The following RIMS3 variants were observed in gnomAD, a reference collection of about 807,000 sequenced individuals.
RIMS3 encodes regulating synaptic membrane exocytosis 3.
RIMS3 carries 15 observed loss-of-function variants against 29.2 expected under a neutral mutation model. The observed-to-expected ratio is 0.51, with a 90% CI of 0.34 to 0.79. The LOEUF is 0.79. RIMS3 is among the 30% of genes least tolerant of loss of function. The pLI is 0.01. For synonymous variants in RIMS3, 161 were observed against 170.1 expected (o/e 0.95, Z 0.41); for missense variants, 342 against 421.4 (o/e 0.81, Z 1.65).
At chr1:40,656,384 TATG>T (rs1642273112) in intron 1 of RIMS3, among the ~76,000 whole-genome samples, 1 of 152,258 alleles carries the variant, frequency 6.6e-6, no homozygotes, top group Non-Finnish European at 1.5e-5. Context: ...TAAAAACAGT[TATG>T]ATATTATGTT....
chr1:40,663,663 C>T (rs140734783), intron 1 of RIMS3, among the ~76,000 whole-genome samples: 3 of 152,260 alleles, frequency 2.0e-5, no homozygotes, highest in African/African-American at 7.2e-5. Flanking sequence ...CTGGGTTCTG[C>T]GCAGTAAAAT....
At chr1:40,670,530 A>G (rs1642478156), upstream of RIMS3, among the ~76,000 whole-genome samples, 1 of 146,026 alleles carries the variant, frequency 6.8e-6, no homozygotes, top group Non-Finnish European at 1.5e-5. Context: ...AGTTCTTAGA[A>G]CAGACCTTAG....
the RIMS3 span, among the ~76,000 whole-genome samples, chr1:40,688,826 CT>C: frequency 1.3e-5 from 2 of 152,138 alleles, no homozygotes; most frequent in African/African-American, 2.4e-5. Flanking sequence ...TGAGCAAGCC[CT>C]TTTGTTCACA....
intron 2 of RIMS3, among the ~76,000 whole-genome samples, chr1:40,646,242 T>C (rs1646594274): frequency 6.6e-6 from 1 of 152,142 alleles, no homozygotes; most frequent in Non-Finnish European, 1.5e-5. Context: ...GCAGCAGGTC[T>C]AGCTCAGGAA....
chr1:40,674,407 C>T, the RIMS3 span, among the ~76,000 whole-genome samples: 9 of 152,176 alleles, frequency 5.9e-5, 1 homozygote, highest in South Asian at 2.1e-4. Flanking sequence ...CTGGCCCCTC[C>T]AGCCTCTAGA....
the RIMS3 span, among the ~76,000 whole-genome samples, chr1:40,681,711 A>G: frequency 2.6e-5 from 4 of 152,232 alleles, no homozygotes; most frequent in African/African-American, 9.6e-5. Context: ...AATAATTATC[A>G]TAGAGATCAC....
chr1:40,634,941 CA>C (rs111853416), intron 4 of RIMS3, among the ~76,000 whole-genome samples: 80 of 93,076 alleles, frequency 8.6e-4, no homozygotes, highest in East Asian at 1.0e-3. Flanking sequence ...AACTCCATCA[CA>C]AAAAAAAAAA....
intron 5 of RIMS3, among the ~76,000 whole-genome samples, chr1:40,629,862 G>A (rs1296851237): frequency 6.6e-6 from 1 of 152,022 alleles, no homozygotes; most frequent in African/African-American, 2.4e-5. Context: ...AGATCATGAG[G>A]TCAGGAGATC....
the RIMS3 span, among the ~76,000 whole-genome samples, chr1:40,683,050 TTCTC>T: frequency 6.6e-6 from 1 of 152,082 alleles, no homozygotes; most frequent in African/African-American, 2.4e-5. Flanking sequence ...TTTTGTCTCT[TTCTC>T]TCTTTGTGGT....
At chr1:40,688,873 G>A in the RIMS3 span, among the ~76,000 whole-genome samples, 2 of 152,188 alleles carry the variant, frequency 1.3e-5, no homozygotes, top group African/African-American at 2.4e-5. Context: ...AATGGCTGAC[G>A]AGATTGATTA....
At chr1:40,671,954 T>C in the RIMS3 span, among the ~76,000 whole-genome samples, 2 of 151,704 alleles carry the variant, frequency 1.3e-5, no homozygotes, top group East Asian at 3.9e-4. Flanking sequence ...GACAGGGTTT[T>C]ACCATGTTGC....
chr1:40,659,782 G>A (rs1264717966), intron 1 of RIMS3, among the ~76,000 whole-genome samples: 4 of 152,188 alleles, frequency 2.6e-5, no homozygotes, highest in African/African-American at 9.7e-5. Context: ...CCAAGAGGGG[G>A]CGTGCATTCC....
intron 3 of RIMS3, among the ~76,000 whole-genome samples, chr1:40,638,911 C>T (rs1223634760): frequency 6.6e-6 from 1 of 152,190 alleles, no homozygotes; most frequent in African/African-American, 2.4e-5. Context: ...CCAGGACTAG[C>T]CCTCTAAAGT....
the RIMS3 span, among the ~76,000 whole-genome samples, chr1:40,672,194 A>ATTT: frequency 2.7e-3 from 290 of 106,928 alleles, 3 homozygotes; most frequent in African/African-American, 4.7e-3. Context: ...TAGCTAGATG[A>ATTT]TTTTTTTTTT....
In RIMS3 at chr1:40,636,632, G is replaced by A. The variant is rs74068539; in HGVS notation, c.218-575C>T. 2.3e-3 allele frequency among the ~76,000 whole-genome samples: 346 copies of A among 152,312 alleles called. 3 individuals are homozygous for A. Among genetic ancestry groups the A allele is most frequent in the African/African-American group, 7.8e-3 (325 of 41,552 alleles). On this transcript the variant is annotated intron_variant, in intron 3 of 7. Coordinates refer to ENST00000372684, the MANE Select transcript of RIMS3 (RefSeq NM_014747.3). The surrounding 1 kb of genome is among the most constrained non-coding windows in gnomAD (Gnocchi z 4.2). Reference sequence around the variant, plus strand: ...TCTAGGTGGGGCTGAACATGGAGAGGACGTGTGTGGAGAGCTGGAGAGGCC... The same window carrying A: ...TCTAGGTGGGGCTGAACATGGAGAGAACGTGTGTGGAGAGCTGGAGAGGCC...
chr1:40,634,761 G>A (rs567599997), intron 4 of RIMS3, among the ~76,000 whole-genome samples: 2 of 152,016 alleles, frequency 1.3e-5, no homozygotes, highest in Non-Finnish European at 2.9e-5. Flanking sequence ...GACCAACATG[G>A]AGAAACCCCA....
chr1:40,667,409 G>A (rs1642440080), upstream of RIMS3, among the ~76,000 whole-genome samples: 1 of 152,126 alleles, frequency 6.6e-6, no homozygotes, highest in Non-Finnish European at 1.5e-5. Flanking sequence ...AGGGGTGGGA[G>A]CACAGAGAGG....
intron 4 of RIMS3, among the ~76,000 whole-genome samples, chr1:40,633,426 T>C (rs1182023708): frequency 6.6e-6 from 1 of 152,256 alleles, no homozygotes; most frequent in Non-Finnish European, 1.5e-5. Context: ...TACATAATGA[T>C]GCTATTTAAT....
chr1:40,687,950 A>G, the RIMS3 span, among the ~76,000 whole-genome samples: 1 of 152,144 alleles, frequency 6.6e-6, no homozygotes, highest in Non-Finnish European at 1.5e-5. Flanking sequence ...CAGCACATGA[A>G]CTATATCTTT....
Sources: allele counts gnomAD v4.1 joint callset (sites outside exome capture counted in the v4.1 genomes callset), GRCh38; gene constraint gnomAD v4.1.1; non-coding constraint Gnocchi (gnomAD v3.1); transcripts MANE v1.5; gene names NCBI Gene and HGNC (gene_info 2026-07-23, HGNC 2026-07-21).